ERC1: variants seen among roughly 807,000 people sequenced by gnomAD.
ERC1 encodes the protein ELKS/RAB6-interacting/CAST family member 1.
A neutral mutation model predicts 132.0 loss-of-function variants in ERC1; 56 were observed. That is an observed-to-expected ratio of 0.42 (90% CI 0.34 to 0.53). The LOEUF (loss-of-function observed/expected upper bound fraction) is 0.53, where lower values mean the gene tolerates loss of function less well. Among genes scored for constraint, ERC1 ranks in the 20% least tolerant of loss-of-function variants. ERC1 has a pLI of 0.03. For missense variants in ERC1, 1,202 were observed against 1,349.9 expected, an observed-to-expected ratio of 0.89 and a Z score of 1.72; for synonymous variants, 478 against 476.1, an observed-to-expected ratio of 1.00 and a Z score of -0.05.
chr12:1,479,247 G>T (rs556905788), intron 18 of ERC1, among the ~76,000 whole-genome samples: 1 of 152,132 alleles, frequency 6.6e-6, no homozygotes, highest in East Asian at 1.9e-4. Flanking sequence ...CTTGGTGGCC[G>T]TCTTGGCTGT....
intron 16 of ERC1, among the ~76,000 whole-genome samples, chr12:1,390,101 C>A (rs531636805): frequency 1.3e-5 from 2 of 152,302 alleles, no homozygotes; most frequent in East Asian, 3.9e-4. Context: ...GTAAATTATA[C>A]TTCAAAATAC....
chr12:1,387,756 G>C (rs1173431928), intron 16 of ERC1, among the ~76,000 whole-genome samples: 1 of 152,184 alleles, frequency 6.6e-6, no homozygotes, highest in Non-Finnish European at 1.5e-5. Flanking sequence ...TTTTGGACTT[G>C]GGGCCGCTAG....
In ERC1 at chr12:1,212,039, A is replaced by G. The variant is rs77899298; in HGVS notation, c.2351+21987A>G. On this transcript the variant is annotated intron_variant, in intron 12 of 18. Transcript: ENST00000360905. ...TCTTTCCTACATTACTGCAAAAGCT[A>G]TCTAATGCTTCCTCCTGTCCACTCT... Among the ~76,000 whole-genome samples, 786 of 152,256 alleles carry G rather than the reference A, an allele frequency of 5.2e-3. 11 individuals carry two copies. Among genetic ancestry groups the G allele is most frequent in the African/African-American group, 0.018 (740 of 41,552 alleles).
At chr12:1,174,632 T>G (rs1953484836) in intron 8 of ERC1, among the ~76,000 whole-genome samples, 1 of 152,120 alleles carries the variant, frequency 6.6e-6, no homozygotes, top group Non-Finnish European at 1.5e-5. Flanking sequence ...GATGATGGAG[T>G]AGAAAGAAGG....
chr12:1,108,913 T>C (rs2154201528), intron 4 of ERC1, among the ~76,000 whole-genome samples: 1 of 152,316 alleles, frequency 6.6e-6, no homozygotes, highest in Admixed American at 6.5e-5. Context: ...TTAATCTCTC[T>C]CATCTTTATG....
intron 7 of ERC1, among the ~76,000 whole-genome samples, chr12:1,124,513 G>A (rs574404976): frequency 1.3e-5 from 2 of 152,068 alleles, no homozygotes; most frequent in African/African-American, 2.4e-5. Flanking sequence ...TGTAACTAAA[G>A]CAGTATTTAG....
chr12:999,446 C>T lies in ERC1; in HGVS notation c.-157+8124C>T, dbSNP rs929386783. On this transcript the variant is annotated intron_variant, in intron 1 of 18. Coordinates refer to ENST00000360905, the MANE Select transcript of ERC1 (RefSeq NM_178040.4). ...AAATGACACCACTGGGTGCTTAAGC[C>T]GGAAATGTGTGTGGTGTTCTTGATT... 3.9e-5 allele frequency among the ~76,000 whole-genome samples: 6 copies of T among 151,968 alleles called. No individual in the cohort carries two copies. In the East Asian group the frequency reaches 7.7e-4, roughly 20 times the overall value.
Position 1,153,298 on chromosome 12 carries a change from A to G in ERC1, c.1737+11511A>G, listed in dbSNP as rs981908824. Among the ~76,000 whole-genome samples the G allele has an allele frequency of 1.4e-4, 21 of 152,274 alleles. 1 individual carries two copies. The highest frequency in any genetic ancestry group is 7.2e-4 in the Admixed American group (11 of 15,292). ...TCTGTTCTAGAACTCTGATAGGCAC[A>G]TGCTGAATATGTTAGACAATTGCAG... On this transcript the variant is annotated intron_variant, in intron 8 of 18. Coordinates refer to ENST00000360905, the MANE Select transcript of ERC1 (RefSeq NM_178040.4).
At chr12:1,289,084 T>TACACACACAC (rs57334239) in intron 14 of ERC1, among the ~76,000 whole-genome samples, 4 of 102,884 alleles carry the variant, frequency 3.9e-5, no homozygotes, top group East Asian at 5.5e-4. Context: ...ATCTGGTATG[T>TACACACACAC]ACACACACAC....
intron 12 of ERC1, among the ~76,000 whole-genome samples, chr12:1,236,258 T>G (rs781028401): frequency 6.6e-6 from 1 of 152,196 alleles, no homozygotes; most frequent in Non-Finnish European, 1.5e-5. Context: ...GCTTCAGAAG[T>G]AAATATGATG....
chr12:1,021,364 A>T (rs988888346), intron 1 of ERC1, among the ~76,000 whole-genome samples: 2 of 152,040 alleles, frequency 1.3e-5, no homozygotes, highest in African/African-American at 4.8e-5. Flanking sequence ...GGGAGGAGGT[A>T]ATGTCTTCCA....
At chr12:1,244,565 A>G (rs533212797) in intron 13 of ERC1, 1 of 452,814 alleles carries the variant, frequency 2.2e-6, no homozygotes, top group African/African-American at 2.0e-5. Context: ...TCTATGACCC[A>G]GGCAGGAGTG....
intron 14 of ERC1, among the ~76,000 whole-genome samples, chr12:1,275,329 A>G (rs1594722323): frequency 6.6e-6 from 1 of 152,220 alleles, no homozygotes; most frequent in East Asian, 1.9e-4. Flanking sequence ...CTCTACTAAA[A>G]ATACCAAATT....
rs1020318257 is a variant in ERC1 at position 1,372,057 on chromosome 12, T to G, written c.2925+80T>G. The G allele has an allele frequency of 1.3e-5, 19 of 1,498,116 alleles. No homozygotes were observed. The African/African-American group carries it at 2.9e-4, about 23-fold the overall frequency. 92.8% of individuals were successfully genotyped at this position (1,498,116 alleles called of 1,614,324 possible). A position where few individuals can be genotyped will look rare whatever the true frequency, so the allele number is the denominator to read the frequency against. ...CACACAGGTCTTTGCCAGCTTGTAC[T>G]TTAAGGTCTCATGTTTCATATTAGA... On this transcript the variant is annotated intron_variant, in intron 16 of 18. Coordinates refer to ENST00000360905, the MANE Select transcript of ERC1 (RefSeq NM_178040.4).
chr12:1,138,097 A>G (rs11833238), intron 7 of ERC1, among the ~76,000 whole-genome samples: 8,367 of 92,280 alleles, frequency 0.091, 563 homozygotes, highest in African/African-American at 0.19. Flanking sequence ...TATATAATCC[A>G]TATTATAATA....
At chr12:1,131,799 A>G (rs769289324) in intron 7 of ERC1, among the ~76,000 whole-genome samples, 2 of 152,172 alleles carry the variant, frequency 1.3e-5, no homozygotes, top group Non-Finnish European at 2.9e-5. Context: ...GTGAGAGGCC[A>G]AAACAGTAGG....
chr12:1,060,016 T>G (rs1973697125), intron 2 of ERC1, among the ~76,000 whole-genome samples: 1 of 152,188 alleles, frequency 6.6e-6, no homozygotes, highest in African/African-American at 2.4e-5. Flanking sequence ...GTCTTGTTAC[T>G]TGGTGTTGTT....
At chr12:1,382,077 T>G (rs1355432298) in intron 16 of ERC1, among the ~76,000 whole-genome samples, 1 of 152,240 alleles carries the variant, frequency 6.6e-6, no homozygotes, top group Non-Finnish European at 1.5e-5. Flanking sequence ...TTTTCCTGTT[T>G]GTATGTATAG....
chr12:1,138,822 T>C (rs147442589), intron 7 of ERC1, among the ~76,000 whole-genome samples: 3 of 152,314 alleles, frequency 2.0e-5, no homozygotes, highest in African/African-American at 7.2e-5. Flanking sequence ...AATTCCCTGC[T>C]GTGATCCTGT....
Sources: allele counts gnomAD v4.1 joint callset (sites outside exome capture counted in the v4.1 genomes callset), GRCh38; gene constraint gnomAD v4.1.1; transcripts MANE v1.5; gene names NCBI Gene and HGNC (gene_info 2026-07-23, HGNC 2026-07-21).